The following CIDEB variants were observed in gnomAD, a reference collection of about 807,000 sequenced individuals.
CIDEB encodes lipid transferase CIDEB.
Under a neutral mutation model 22.4 loss-of-function variants are expected in CIDEB, and 27 were observed. That is an observed-to-expected ratio of 1.21 (90% CI 0.89 to 1.66). CIDEB has a LOEUF of 1.66. CIDEB is among the 40% of genes most tolerant of loss of function. The pLI, the probability that CIDEB is intolerant of heterozygous loss-of-function variation, is 0.00. For missense variants in CIDEB, 289 were observed against 268.7 expected (o/e 1.08, Z -0.53); for synonymous variants, 103 against 109.5 (o/e 0.94, Z 0.37).
At position 24,306,070 on chromosome 14, in the gene CIDEB, G is replaced by A. The variant is rs1446647323; in HGVS notation, c.404C>T (p.Thr135Ile). The A allele has an allele frequency of 6.2e-7, 1 of 1,614,186 alleles. No individual in the cohort carries two copies. The highest frequency in any genetic ancestry group is 2.2e-5 in the East Asian group (1 of 44,884). Reference protein sequence around the residue: ...PKHSKDIARFTFDVYKQNPRD... With the variant: ...PKHSKDIARFIFDVYKQNPRD... Reference sequence around the variant, plus strand: ...AGGGTTTTGCTTGTACACGTCAAAGGTGAATCGGGCGATGTCCTTGCTGTG... The same window carrying A: ...AGGGTTTTGCTTGTACACGTCAAAGATGAATCGGGCGATGTCCTTGCTGTG... Residue 135 changes from threonine (T) to isoleucine (I), a missense_variant, in exon 4 of 5, where the codon ACC becomes ATC. Transcript: ENST00000554411.
upstream of CIDEB, chr14:24,311,336 G>A: frequency 1.2e-6 from 2 of 1,603,094 alleles, no homozygotes; most frequent in Non-Finnish European, 1.7e-6. Context: ...GGGTGGGCCG[G>A]CTGGTGAGCG....
chr14:24,306,700 C>A, intron 2 of CIDEB, 177 bp from the exon 3 acceptor site: 1 of 708,480 alleles, frequency 1.4e-6, no homozygotes, highest in Non-Finnish European at 2.3e-6. Flanking sequence ...TTGGGGGATC[C>A]TAGCTAGAGG....
Position 24,305,974 on chromosome 14 carries a change from T to TG in CIDEB, c.499dup (p.Gln167ProfsTer42), listed in dbSNP as rs1264263729. ...GAGTACTTTCTTTGGGCCAAGTCCT[T>TG]GAAAGTCACAACTCATAGAGTAGAG... On this transcript the variant is annotated frameshift_variant, in exon 4 of 5. Transcript: ENST00000554411. LOFTEE classifies it high-confidence loss of function. 6.2e-6 allele frequency: 10 copies of TG among 1,614,080 alleles called. No individual in the cohort carries two copies. Among genetic ancestry groups the TG allele is most frequent in the Non-Finnish European group, 8.5e-6 (10 of 1,179,964 alleles).
At chr14:24,311,371 T>C (rs760293924), upstream of CIDEB, 14 of 1,604,008 alleles carry the variant, frequency 8.7e-6, no homozygotes, top group East Asian at 2.7e-4. Context: ...TTCGGCTTGC[T>C]CTGGGCCCCC....
rs889659485 is a variant in CIDEB, at chr14:24,306,109, C to G, written c.365G>C (p.Arg122Pro). 6.2e-7 allele frequency: 1 copy of G among 1,613,966 alleles called. No individual in the cohort carries two copies. Among genetic ancestry groups the G allele is most frequent in the Admixed American group, 1.7e-5 (1 of 60,014 alleles). The change falls in exon 4 of 5, where the codon CGG becomes CCG. Residue 122 changes from arginine (R) to proline (P), a missense_variant. Coordinates refer to ENST00000554411, the MANE Select transcript of CIDEB (RefSeq NM_001393339.1). ...RSGVLSYGLGRERPKHSKDIA... is the reference protein window; with the variant it reads ...RSGVLSYGLGPERPKHSKDIA... ...GTCCTTGCTGTGCTTGGGCCTCTCC[C>G]GTCCCAGGCCATATGACAGCACTCC... is the stretch of plus-strand genomic sequence containing the variant.
rs1460386612 is a variant in CIDEB at position 24,306,950 on chromosome 14, C to T, written c.186+421G>A. The T allele has an allele frequency of 1.1e-5, 3 of 262,344 alleles. No individual in the cohort carries two copies. In the East Asian group the frequency reaches 2.5e-4, roughly 22 times the overall value. 16.3% of individuals were successfully genotyped at this position (262,344 alleles called of 1,614,324 possible). ...GTGCCAGGTATGAGGACTTTACCTA[C>T]ATTATCCTCTTACTCCTTTCAACAA... is the stretch of plus-strand genomic sequence containing the variant. On this transcript the variant is annotated intron_variant, in intron 2 of 4. Transcript: ENST00000554411.
At chr14:24,306,651 T>G in intron 2 of CIDEB, 128 bp from the exon 3 acceptor site, 1 of 1,157,588 alleles carries the variant, frequency 8.6e-7, no homozygotes, top group Non-Finnish European at 1.3e-6. Context: ...GGCACTTTGA[T>G]ACCTCCTAAA....
At chr14:24,310,264 A>C (rs2041645702), upstream of CIDEB, 1 of 536,666 alleles carries the variant, frequency 1.9e-6, no homozygotes, top group Non-Finnish European at 3.3e-6. Context: ...TGGTAAGTAG[A>C]TCTGTGCACG....
chr14:24,310,587 C>A, upstream of CIDEB: 2 of 1,434,824 alleles, frequency 1.4e-6, no homozygotes, highest in Non-Finnish European at 2.0e-6. Context: ...ACCTTCTCAT[C>A]GGGCATCACA....
intron 1 of CIDEB, 117 bp from the exon 2 acceptor site, chr14:24,307,632 TAGGGATG>T (rs904652250): frequency 7.6e-7 from 1 of 1,312,164 alleles, no homozygotes; most frequent in African/African-American, 1.5e-5. Context: ...GTTTATCGAT[TAGGGATG>T]AGGGAGAGAC....
chr14:24,310,829 G>A (rs778943135), upstream of CIDEB: 21 of 1,595,816 alleles, frequency 1.3e-5, no homozygotes, highest in Admixed American at 6.7e-5. Flanking sequence ...GGGGGCGACC[G>A]CTGGCGGCCA....
chr14:24,310,865 C>G, upstream of CIDEB: 6 of 1,591,562 alleles, frequency 3.8e-6, no homozygotes, highest in Non-Finnish European at 5.1e-6. Flanking sequence ...TGGCGCTGGC[C>G]GACGGCGCGG....
chr14:24,310,629 CTG>C, upstream of CIDEB: 8 of 1,611,202 alleles, frequency 5.0e-6, no homozygotes, highest in Non-Finnish European at 6.8e-6. Flanking sequence ...TGAACGCCCT[CTG>C]TGGCGCCTTC....
intron 2 of CIDEB, 92 bp downstream of exon 2, chr14:24,307,279 T>C: frequency 7.2e-7 from 1 of 1,392,560 alleles, no homozygotes; most frequent in African/African-American, 1.4e-5. Context: ...GCTGTGTGAC[T>C]TCAGCCCTCT....
Position 24,305,254 on chromosome 14 carries a change from C to A in CIDEB, c.*379G>T. ...TAGTTTGAGGGGAAGGGTATGAAGACAGATCTCAAGGTAAAGTCAGAGAGG... is the reference window on the plus strand; with the variant it reads ...TAGTTTGAGGGGAAGGGTATGAAGAAAGATCTCAAGGTAAAGTCAGAGAGG... On this transcript the variant is annotated 3_prime_UTR_variant, in exon 5 of 5. Transcript: ENST00000554411. The A allele has an allele frequency of 1.2e-6, 1 of 808,620 alleles. No individual in the cohort carries two copies. The highest frequency in any genetic ancestry group is 1.8e-5 in the African/African-American group (1 of 56,722). The allele number at this position is 808,620 out of a possible 1,614,324, so 50.1% of individuals were successfully genotyped here.
At chr14:24,310,786 T>C, upstream of CIDEB, 1 of 1,605,822 alleles carries the variant, frequency 6.2e-7, no homozygotes, top group South Asian at 1.1e-5. Flanking sequence ...AACGGCTTCG[T>C]GGTGTGGAGC....
At position 24,306,551 on chromosome 14, in the gene CIDEB, C is replaced by T. The variant is rs750713017; in HGVS notation, c.187-28G>A. On this transcript the variant is annotated intron_variant, in intron 2 of 4. Coordinates refer to ENST00000554411, the MANE Select transcript of CIDEB (RefSeq NM_001393339.1). ...GCCCAATGGCAAGAAGCAAGAAGGG[C>T]AGGTCTTATCCCATGCCCCTTCCCT... 10 of 1,614,192 alleles carry T rather than the reference C, an allele frequency of 6.2e-6. No individual in the cohort carries two copies. The East Asian group carries it at 2.0e-4, about 32-fold the overall frequency.
chr14:24,311,124 G>A (rs373025965), upstream of CIDEB: 12 of 1,581,710 alleles, frequency 7.6e-6, no homozygotes, highest in South Asian at 9.1e-5. Context: ...GTTGCTCGCC[G>A]TCCCGGCCGC....
chr14:24,311,219 G>A (rs760791457), upstream of CIDEB: 1 of 1,609,264 alleles, frequency 6.2e-7, no homozygotes, highest in Non-Finnish European at 8.5e-7. Context: ...TGAGCCTGGA[G>A]ACTCTGACCG....
Sources: allele counts gnomAD v4.1 joint callset, GRCh38; gene constraint gnomAD v4.1.1; transcripts MANE v1.5; gene names NCBI Gene and HGNC (gene_info 2026-07-23, HGNC 2026-07-21).